DOK6: variants seen among roughly 807,000 people sequenced by gnomAD.
DOK6 encodes the protein downstream of tyrosine kinase 6.
In DOK6, 22 loss-of-function variants were observed where a neutral mutation model predicts 44.0. The observed-to-expected ratio is 0.50, with a 90% CI of 0.36 to 0.71. The LOEUF is 0.71. Among genes scored for constraint, DOK6 ranks in the 30% least tolerant of loss-of-function variants. The probability of loss-of-function intolerance (pLI) is 0.00; values close to 1 mark genes in which losing one functional copy is unlikely to be tolerated. For synonymous variants in DOK6, 166 were observed against 145.5 expected (o/e 1.14, Z -1.01); for missense variants, 340 against 416.4 (o/e 0.82, Z 1.60).
intron 1 of DOK6, among the ~76,000 whole-genome samples, chr18:69,553,475 G>A (rs1432589876): frequency 6.6e-6 from 1 of 152,176 alleles, no homozygotes; most frequent in African/African-American, 2.4e-5. Flanking sequence ...GCTGAAAACA[G>A]AGGCTTTGGA....
intron 5 of DOK6, among the ~76,000 whole-genome samples, chr18:69,729,859 A>G (rs866567693): frequency 1.3e-5 from 2 of 152,230 alleles, no homozygotes; most frequent in Non-Finnish European, 2.9e-5. Flanking sequence ...GAGTGGCTCT[A>G]AAAGTTTTAT....
intron 5 of DOK6, among the ~76,000 whole-genome samples, chr18:69,726,385 A>T (rs1978307475): frequency 6.6e-6 from 1 of 151,876 alleles, no homozygotes. Context: ...TACTCTCTCA[A>T]CTCATACCGT....
rs150709681 is a variant in DOK6, at chr18:69,739,042, C to T, written c.677C>T (p.Ala226Val). ...GEMIYQKVHSATLAIAEQHER... is the reference protein window; with the variant it reads ...GEMIYQKVHSVTLAIAEQHER... ...ATGATCTATCAGAAGGTTCATTCTG[C>T]GACACTGGCCATAGCTGAGCAACAT... The change falls in exon 6 of 8, where the codon GCG becomes GTG. Residue 226 changes from alanine (A) to valine (V), a missense_variant. Ala to Val is a moderately conservative substitution (Grantham distance 64). This residue lies in a region of DOK6 where 22 missense variants were observed against 48.6 expected (regional missense o/e 0.45). Transcript: ENST00000382713. 94 of 1,613,948 alleles carry T rather than the reference C, an allele frequency of 5.8e-5. No individual in the cohort carries two copies. Among genetic ancestry groups the T allele is most frequent in the African/African-American group, 1.1e-4 (8 of 74,904 alleles).
At chr18:69,512,223 C>T (rs1346090655) in intron 1 of DOK6, among the ~76,000 whole-genome samples, 3 of 151,724 alleles carry the variant, frequency 2.0e-5, no homozygotes, top group Non-Finnish European at 4.4e-5. Flanking sequence ...GGCAAGAAAC[C>T]ATACTCAAGC....
At chr18:69,614,442 G>A (rs1309105864) in intron 3 of DOK6, among the ~76,000 whole-genome samples, 1 of 152,046 alleles carries the variant, frequency 6.6e-6, no homozygotes, top group Non-Finnish European at 1.5e-5. Flanking sequence ...TTTAAGGTAT[G>A]CAACTTGATG....
At chr18:69,655,323 CAG>C (rs1181052093) in intron 3 of DOK6, among the ~76,000 whole-genome samples, 1 of 151,646 alleles carries the variant, frequency 6.6e-6, no homozygotes, top group African/African-American at 2.4e-5. Context: ...ATATAAAAGA[CAG>C]AATATATGTA....
At chr18:69,426,984 C>T (rs1978656087) in intron 1 of DOK6, among the ~76,000 whole-genome samples, 1 of 148,942 alleles carries the variant, frequency 6.7e-6, no homozygotes, top group South Asian at 2.2e-4. Context: ...TCCTGATCCT[C>T]TCTCCCCTTC....
intron 7 of DOK6, among the ~76,000 whole-genome samples, chr18:69,816,725 G>A (rs2145120461): frequency 6.6e-6 from 1 of 152,282 alleles, no homozygotes; most frequent in East Asian, 1.9e-4. Context: ...AGTCTACATG[G>A]GAACCCTGTA....
intron 1 of DOK6, among the ~76,000 whole-genome samples, chr18:69,507,685 C>T (rs1397376239): frequency 6.6e-6 from 1 of 151,888 alleles, no homozygotes; most frequent in Non-Finnish European, 1.5e-5. Context: ...TTTTGATCTT[C>T]ATTGTTTATA....
At chr18:69,633,313 G>C (rs1300516296) in intron 3 of DOK6, among the ~76,000 whole-genome samples, 1 of 152,172 alleles carries the variant, frequency 6.6e-6, no homozygotes, top group East Asian at 1.9e-4. Flanking sequence ...TGGTAAGATA[G>C]TTTAAGAAAT....
At chr18:69,830,873 G>A (rs966709248) in intron 7 of DOK6, among the ~76,000 whole-genome samples, 3 of 152,118 alleles carry the variant, frequency 2.0e-5, no homozygotes, top group Non-Finnish European at 4.4e-5. Context: ...GGAAACCTAG[G>A]TCTGACTTCT....
chr18:69,604,252 C>T (rs1041484056), intron 3 of DOK6, among the ~76,000 whole-genome samples: 1 of 152,094 alleles, frequency 6.6e-6, no homozygotes, highest in African/African-American at 2.4e-5. Flanking sequence ...TAAAAATTTT[C>T]GAACACACAG....
At chr18:69,809,537 T>A (rs1377839236) in intron 7 of DOK6, among the ~76,000 whole-genome samples, 6 of 148,078 alleles carry the variant, frequency 4.1e-5, no homozygotes, top group African/African-American at 1.5e-4. Context: ...ATCTTATATA[T>A]AGAAAACCCT....
chr18:69,674,957 T>C (rs1028737481), intron 3 of DOK6, among the ~76,000 whole-genome samples: 6 of 152,154 alleles, frequency 3.9e-5, no homozygotes, highest in Non-Finnish European at 7.3e-5. Flanking sequence ...TCTTCCTCTC[T>C]CTCTCTCTTT....
intron 1 of DOK6, among the ~76,000 whole-genome samples, chr18:69,412,168 G>C (rs1178913083): frequency 6.6e-6 from 1 of 152,098 alleles, no homozygotes; most frequent in East Asian, 1.9e-4. Flanking sequence ...GAATTACTTA[G>C]TACACCATTA....
At chr18:69,727,644 A>G (rs1978316917) in intron 5 of DOK6, among the ~76,000 whole-genome samples, 1 of 152,250 alleles carries the variant, frequency 6.6e-6, no homozygotes. Context: ...AGACCACGGT[A>G]AAAGAAAACC....
At chr18:69,484,462 T>C (rs1235195943) in intron 1 of DOK6, among the ~76,000 whole-genome samples, 1 of 152,168 alleles carries the variant, frequency 6.6e-6, no homozygotes, top group Non-Finnish European at 1.5e-5. Flanking sequence ...TTTCGAGTTT[T>C]GTATTTTGTA....
At chr18:69,408,939 A>C (rs959782183) in intron 1 of DOK6, among the ~76,000 whole-genome samples, 8 of 152,138 alleles carry the variant, frequency 5.3e-5, no homozygotes, top group Non-Finnish European at 1.0e-4. Flanking sequence ...AAATGTGTAC[A>C]TTTATACATA....
chr18:69,742,204 C>A (rs1426855264), intron 6 of DOK6, among the ~76,000 whole-genome samples: 1 of 152,056 alleles, frequency 6.6e-6, no homozygotes, highest in African/African-American at 2.4e-5. Flanking sequence ...CAGCTGAGGT[C>A]AGGAGTTTGA....
Sources: gnomAD v4.1 joint callset for allele counts (sites outside exome capture counted in the v4.1 genomes callset) on GRCh38, gnomAD v4.1.1 for gene constraint, gnomAD v4.1.1 regional missense constraint, MANE v1.5 for transcripts, NCBI Gene and HGNC (gene_info 2026-07-23, HGNC 2026-07-21) for gene names.